The following KCTD8 variants were observed in gnomAD, a reference collection of about 807,000 sequenced individuals.
The protein encoded by KCTD8 is BTB/POZ domain-containing protein KCTD8.
In KCTD8, 27 loss-of-function variants were observed where a neutral mutation model predicts 31.5. That is an observed-to-expected ratio of 0.86 (90% CI 0.63 to 1.18). The LOEUF (loss-of-function observed/expected upper bound fraction) is 1.18, where lower values mean the gene tolerates loss of function less well. KCTD8 is among the 50% of genes most tolerant of loss of function. KCTD8 has a pLI of 0.00. For missense variants in KCTD8, 658 were observed against 647.7 expected (o/e 1.02, Z -0.17); for synonymous variants, 290 against 280.0 (o/e 1.04, Z -0.36).
At chr4:44,266,511 A>T (rs1026915242) in intron 1 of KCTD8, among the ~76,000 whole-genome samples, 9 of 152,234 alleles carry the variant, frequency 5.9e-5, no homozygotes, top group East Asian at 1.9e-4. Flanking sequence ...CCAGCTAACA[A>T]CATAATGACA....
intron 1 of KCTD8, among the ~76,000 whole-genome samples, chr4:44,244,739 A>G (rs1715602353): frequency 6.6e-6 from 1 of 151,742 alleles, no homozygotes; most frequent in Admixed American, 6.6e-5. Flanking sequence ...ACACAGAGAG[A>G]CCAGGAAGTA....
chr4:44,329,542 T>C (rs73175208), intron 1 of KCTD8, among the ~76,000 whole-genome samples: 85 of 152,104 alleles, frequency 5.6e-4, no homozygotes, highest in African/African-American at 1.9e-3. Flanking sequence ...ATATAAGCTG[T>C]ATATAAACTG....
chr4:44,440,955 A>G lies in KCTD8; in HGVS notation c.961+6608T>C, dbSNP rs191468895. The stretch of plus-strand genomic sequence containing the variant: ...ATAAACTTATAAATGATATACACTC[A>G]GCACAGAATACTTCATATATTTTCA... On this transcript the variant is annotated intron_variant, in intron 1 of 1. Coordinates refer to ENST00000360029, the MANE Select transcript of KCTD8 (RefSeq NM_198353.3). Among the ~76,000 whole-genome samples the G allele has an allele frequency of 5.9e-5, 9 of 152,328 alleles. No individual in the cohort carries two copies. In the East Asian group the frequency reaches 1.5e-3, roughly 26 times the overall value.
rs779819635 is a variant in KCTD8, at chr4:44,448,197, C to A, written c.327G>T (p.Val109=). The A allele has an allele frequency of 6.2e-7, 1 of 1,612,526 alleles. No homozygotes were observed. ...IDRDGFLFRY[V]LDYLRDKQLA... is the part of the protein sequence containing the mutation. The stretch of plus-strand genomic sequence containing the variant: ...GTTGCTTGTCCCGCAGATAATCCAG[C>A]ACGTACCTGAAAAGGAAGCCGTCCC... The change falls in exon 1 of 2, where the codon GTG becomes GTT. Residue 109 remains valine, a synonymous_variant. Transcript: ENST00000360029. The surrounding 1 kb of genome is among the most constrained non-coding windows in gnomAD (Gnocchi z 4.1).
Position 44,447,986 on chromosome 4 carries a change from G to C in KCTD8, c.538C>G (p.Arg180Gly). The C allele has an allele frequency of 6.5e-7, 1 of 1,548,914 alleles. No homozygotes were observed. Among genetic ancestry groups the C allele is most frequent in the Non-Finnish European group, 8.7e-7 (1 of 1,146,924 alleles). The change falls in exon 1 of 2, where the codon CGC becomes GGC. Residue 180 changes from arginine (R) to glycine (G), a missense_variant. Transcript: ENST00000360029. ...SQGSSDALLL[R>G]GAAAAVPSGP... ...GAGGGCACGGCGGCCGCCGCCCCGC[G>C]CAGCAGCAGCGCGTCGCTGCTACCC...
chr4:44,299,874 T>C (rs1717556252), intron 1 of KCTD8, among the ~76,000 whole-genome samples: 1 of 148,944 alleles, frequency 6.7e-6, no homozygotes, highest in Non-Finnish European at 1.5e-5. Flanking sequence ...TGCCTCAGCC[T>C]CCGAGTAGCT....
intron 1 of KCTD8, among the ~76,000 whole-genome samples, chr4:44,362,945 T>A (rs1460584836): frequency 6.6e-6 from 1 of 152,082 alleles, no homozygotes; most frequent in Non-Finnish European, 1.5e-5. Context: ...TTTATGTTTT[T>A]TCTTTTTATA....
At chr4:44,420,707 T>G (rs2109470526) in intron 1 of KCTD8, among the ~76,000 whole-genome samples, 1 of 152,154 alleles carries the variant, frequency 6.6e-6, no homozygotes, top group African/African-American at 2.4e-5. Context: ...GGAACACAAA[T>G]GTTCAAAGAA....
chr4:44,266,652 T>A (rs1177979339), intron 1 of KCTD8, among the ~76,000 whole-genome samples: 1 of 150,568 alleles, frequency 6.6e-6, no homozygotes, highest in Non-Finnish European at 1.5e-5. Flanking sequence ...GAAACCCATC[T>A]CACGTGCAGA....
At chr4:44,299,536 C>G (rs1016349522) in intron 1 of KCTD8, among the ~76,000 whole-genome samples, 2 of 152,078 alleles carry the variant, frequency 1.3e-5, no homozygotes, top group African/African-American at 4.8e-5. Flanking sequence ...CCAGAACATC[C>G]TGGCCAACAT....
chr4:44,288,149 G>C (rs1717158137), intron 1 of KCTD8, among the ~76,000 whole-genome samples: 1 of 152,074 alleles, frequency 6.6e-6, no homozygotes, highest in Admixed American at 6.6e-5. Context: ...ATTAGGGAAG[G>C]TATTTCTTGT....
chr4:44,232,137 T>A (rs1023415591), intron 1 of KCTD8, among the ~76,000 whole-genome samples: 1 of 151,954 alleles, frequency 6.6e-6, no homozygotes, highest in African/African-American at 2.4e-5. Flanking sequence ...CAAAAATGAG[T>A]CTTAACTAAA....
At chr4:44,252,126 C>A (rs1211804627) in intron 1 of KCTD8, among the ~76,000 whole-genome samples, 1 of 151,720 alleles carries the variant, frequency 6.6e-6, no homozygotes, top group Non-Finnish European at 1.5e-5. Flanking sequence ...ATTTCCATTC[C>A]TGAGTTACGT....
intron 1 of KCTD8, among the ~76,000 whole-genome samples, chr4:44,241,050 C>T (rs979249072): frequency 2.0e-5 from 3 of 152,138 alleles, no homozygotes; most frequent in Non-Finnish European, 4.4e-5. Flanking sequence ...ATTCTTTTAA[C>T]CCTTGGTTTC....
intron 1 of KCTD8, among the ~76,000 whole-genome samples, chr4:44,440,563 T>G (rs1278135529): frequency 2.6e-5 from 4 of 152,240 alleles, no homozygotes; most frequent in Non-Finnish European, 1.5e-5. Context: ...GTTCAATAAA[T>G]GCACTTTATC....
chr4:44,229,660 T>C (rs1408665945), intron 1 of KCTD8, among the ~76,000 whole-genome samples: 1 of 152,178 alleles, frequency 6.6e-6, no homozygotes, highest in Non-Finnish European at 1.5e-5. Flanking sequence ...CTTCCAGGCA[T>C]ACTTTTTCTT....
At chr4:44,403,282 G>T (rs1384049644) in intron 1 of KCTD8, among the ~76,000 whole-genome samples, 1 of 151,886 alleles carries the variant, frequency 6.6e-6, no homozygotes, top group Non-Finnish European at 1.5e-5. Context: ...AAAATCACAC[G>T]TTTTATGCAT....
chr4:44,283,283 C>T (rs561265575), intron 1 of KCTD8, among the ~76,000 whole-genome samples: 1 of 152,104 alleles, frequency 6.6e-6, no homozygotes, highest in Admixed American at 6.5e-5. Context: ...CTCCTGACCT[C>T]AGGTGATCTG....
At chr4:44,310,475 C>T (rs1052944280) in intron 1 of KCTD8, among the ~76,000 whole-genome samples, 1 of 152,086 alleles carries the variant, frequency 6.6e-6, no homozygotes, top group Admixed American at 6.5e-5. Context: ...TTCTTCTAAG[C>T]TTGTCTCCTG....
Sources: allele counts gnomAD v4.1 joint callset (sites outside exome capture counted in the v4.1 genomes callset), GRCh38; gene constraint gnomAD v4.1.1; non-coding constraint Gnocchi (gnomAD v3.1); transcripts MANE v1.5; gene names NCBI Gene and HGNC (gene_info 2026-07-23, HGNC 2026-07-21).